Variants in CRACR2B observed in about 807,000 individuals in gnomAD.
CRACR2B encodes the protein calcium release activated channel regulator 2B, also known as EF-hand calcium-binding domain-containing protein 4A.
CRACR2B carries 50 observed loss-of-function variants against 46.0 expected under a neutral mutation model. That is an observed-to-expected ratio of 1.09 (90% CI 0.87 to 1.38). The LOEUF (loss-of-function observed/expected upper bound fraction) is 1.38. CRACR2B is among the 40% of genes most tolerant of loss of function. CRACR2B has a pLI of 0.00. For synonymous variants in CRACR2B, 277 were observed against 239.6 expected, an observed-to-expected ratio of 1.16 and a Z score of -1.44; for missense variants, 667 against 535.0, an observed-to-expected ratio of 1.25 and a Z score of -2.43.
Position 830,086 on chromosome 11 carries a change from G to T in CRACR2B, c.559G>T (p.Glu187Ter). The change falls in exon 4 of 9, where the codon GAG becomes TAG. Residue 187 changes from glutamate (E) to a stop codon, truncating the protein, a stop_gained. Coordinates refer to ENST00000525077, the MANE Select transcript of CRACR2B (RefSeq NM_001286606.2). LOFTEE classifies it high-confidence loss of function. ...DVLIRASACL[E>*]EAARERDGLE... ...TCTGATACGCGCGTCGGCCTGCCTG[G>T]AGGAGGCGGCCCGGGAGCGCGACGG... The T allele has an allele frequency of 6.5e-7, 1 of 1,545,966 alleles. No homozygotes were observed. The highest frequency in any genetic ancestry group is 8.7e-7 in the Non-Finnish European group (1 of 1,150,782).
At chr11:831,099 G>A (rs551315583) in intron 7 of CRACR2B, 67 bp downstream of exon 7, 3 of 1,553,996 alleles carry the variant, frequency 1.9e-6, no homozygotes, top group East Asian at 2.4e-5. Context: ...GGGCGCTCAG[G>A]TCTGGGCCAC....
At chr11:829,321 G>A (rs371372260) in intron 2 of CRACR2B, 39 bp from the exon 3 acceptor site, 2 of 1,563,640 alleles carry the variant, frequency 1.3e-6, no homozygotes, top group South Asian at 1.2e-5. Flanking sequence ...CCACGGTGGC[G>A]ACCCACAGCC....
chr11:830,515 C>T, intron 5 of CRACR2B, 106 bp from the exon 6 acceptor site: 4 of 1,540,862 alleles, frequency 2.6e-6, no homozygotes, highest in Non-Finnish European at 3.5e-6. Flanking sequence ...TCTTCTCCAC[C>T]CGACCCCGCT....
rs1846139711 is a variant in CRACR2B at position 828,917 on chromosome 11, G to A, written c.231G>A (p.Arg77=). The change falls in exon 2 of 9, where the codon CGG becomes CGA. Residue 77 remains arginine, a synonymous_variant. Transcript: ENST00000525077. Reference sequence around the variant, plus strand: ...AGGCTGTGTTTGAAAGTCTGGACCGGGCTCACACTGGCTTCCTCACCGCCA... The same window carrying A: ...AGGCTGTGTTTGAAAGTCTGGACCGAGCTCACACTGGCTTCCTCACCGCCA... ...QLEAVFESLD[R]AHTGFLTARE... The A allele has an allele frequency of 3.1e-6, 5 of 1,607,134 alleles. No individual in the cohort carries two copies. The highest frequency in any genetic ancestry group is 1.7e-5 in the Admixed American group (1 of 60,018).
chr11:831,719 A>G lies in CRACR2B; in HGVS notation c.*10A>G. The G allele has an allele frequency of 6.7e-7, 1 of 1,502,462 alleles. No individual in the cohort carries two copies. Among genetic ancestry groups the G allele is most frequent in the Non-Finnish European group, 8.8e-7 (1 of 1,136,036 alleles). 93.1% of individuals were successfully genotyped at this position (1,502,462 alleles called of 1,614,324 possible). A position where few individuals can be genotyped will look rare whatever the true frequency, so the allele number is the denominator to read the frequency against. On this transcript the variant is annotated 3_prime_UTR_variant, in exon 9 of 9. Coordinates refer to ENST00000525077, the MANE Select transcript of CRACR2B (RefSeq NM_001286606.2). Reference sequence around the variant, plus strand: ...TCCCAGTGCCCGGTGACCAGCCCCGAGTGACTCACGGACCATGAGCTAGAA... The same window carrying G: ...TCCCAGTGCCCGGTGACCAGCCCCGGGTGACTCACGGACCATGAGCTAGAA...
rs1846135977 is a variant in CRACR2B at position 828,887 on chromosome 11, G to C, written c.201G>C (p.Gln67His). The C allele has an allele frequency of 3.1e-6, 5 of 1,609,958 alleles. No homozygotes were observed. Residue 67 changes from glutamine (Q) to histidine (H), a missense_variant, in exon 2 of 9, where the codon CAG becomes CAC. Transcript: ENST00000525077. The part of the protein sequence containing the change: ...LQSDLPLTPE[Q>H]LEAVFESLDR... Reference sequence around the variant, plus strand: ...GCGACCTGCCCCTCACGCCAGAGCAGCTGGAGGCTGTGTTTGAAAGTCTGG... The same window carrying C: ...GCGACCTGCCCCTCACGCCAGAGCACCTGGAGGCTGTGTTTGAAAGTCTGG...
chr11:829,989 G>A lies in CRACR2B; in HGVS notation c.462G>A (p.Gln154=), dbSNP rs1189762106. 3 of 1,567,016 alleles carry A rather than the reference G, an allele frequency of 1.9e-6. No homozygotes were observed. The highest frequency in any genetic ancestry group is 2.6e-6 in the Non-Finnish European group (3 of 1,162,962). The change falls in exon 4 of 9, where the codon CAG becomes CAA. Residue 154 remains glutamine (Q), a synonymous_variant. Coordinates refer to ENST00000525077, the MANE Select transcript of CRACR2B (RefSeq NM_001286606.2). ...TCAGTTCCCGCCCGCCCTCCAGGCA[G>A]CGGGCTGTGAGGACGCTCTGGGCCA... The part of the protein sequence containing the change: ...QLGVAPVLGK[Q]RAVRTLWARL...
At chr11:826,668 C>T (rs1334699013), upstream of CRACR2B, among the ~76,000 whole-genome samples, 6 of 152,168 alleles carry the variant, frequency 3.9e-5, no homozygotes, top group African/African-American at 1.4e-4. Context: ...GGATTACAGG[C>T]GCCCACCACC....
At position 831,749 on chromosome 11, in the gene CRACR2B, C is replaced by A. The variant is rs1350374273; in HGVS notation, c.*40C>A. ...CTCACGGACCATGAGCTAGAAGCTG[C>A]CCTTGCAGGAGGCTTGTCATGGGTC... On this transcript the variant is annotated 3_prime_UTR_variant, in exon 9 of 9. Transcript: ENST00000525077. 6.8e-7 allele frequency: 1 copy of A among 1,465,958 alleles called. No homozygotes were observed. The allele number at this position is 1,465,958 out of a possible 1,614,324, so 90.8% of individuals were successfully genotyped here.
intron 2 of CRACR2B, 122 bp downstream of exon 2, chr11:829,085 C>T: frequency 1.4e-6 from 2 of 1,394,940 alleles, no homozygotes; most frequent in Non-Finnish European, 2.0e-6. Flanking sequence ...AGGGCCCGTG[C>T]TTTGTCTGCA....
In CRACR2B at chr11:829,440, G is replaced by A. The variant is rs1238098772; in HGVS notation, c.358G>A (p.Asp120Asn). The A allele has an allele frequency of 6.2e-7, 1 of 1,610,906 alleles. No homozygotes were observed. The highest frequency in any genetic ancestry group is 8.5e-7 in the Non-Finnish European group (1 of 1,179,236). ...PEETFESGGL[D>N]VQGTAGSLDE... ...GGAGACCTTTGAGTCGGGCGGGCTC[G>A]ACGTGCAGGGCACGGCGGGCTCTCT... The change falls in exon 3 of 9, where the codon GAC (aspartate) becomes AAC (asparagine). Residue 120 changes from aspartate to asparagine, a missense_variant. Transcript: ENST00000525077.
rs1316017566 is a variant in CRACR2B, at chr11:831,396, C to T, written c.1025+101C>T. ...CTGCCGCTCTACTCCATTGGAAGTC[C>T]TTCCTTATGCCTGCCTTTCACCCCT... On this transcript the variant is annotated intron_variant, in intron 8 of 8. Coordinates refer to ENST00000525077, the MANE Select transcript of CRACR2B (RefSeq NM_001286606.2). 3 of 1,493,490 alleles carry T rather than the reference C, an allele frequency of 2.0e-6. No individual in the cohort carries two copies. In the African/African-American group the frequency reaches 4.3e-5, roughly 21 times the overall value. The allele number at this position is 1,493,490 out of a possible 1,614,324, so 92.5% of individuals were successfully genotyped here. A position where few individuals can be genotyped will look rare whatever the true frequency, so the allele number is the denominator to read the frequency against.
Position 829,321 on chromosome 11 carries a change from G to T in CRACR2B, c.278-39G>T, listed in dbSNP as rs371372260. The T allele has an allele frequency of 2.0e-4, 315 of 1,563,634 alleles. 1 individual carries two copies. The highest frequency in any genetic ancestry group is 8.5e-5 in the Non-Finnish European group (99 of 1,159,842). Reference sequence around the variant, plus strand: ...TGAACGGGGACACAGCCACGGTGGCGACCCACAGCCCTGGTAATCGCTCGC... The same window carrying T: ...TGAACGGGGACACAGCCACGGTGGCTACCCACAGCCCTGGTAATCGCTCGC... On this transcript the variant is annotated intron_variant, in intron 2 of 8. Coordinates refer to ENST00000525077, the MANE Select transcript of CRACR2B (RefSeq NM_001286606.2).
chr11:828,999 A>T, intron 2 of CRACR2B, 36 bp downstream of exon 2: 1 of 1,598,310 alleles, frequency 6.3e-7, no homozygotes, highest in Non-Finnish European at 8.5e-7. Context: ...CACTGCCCAG[A>T]GCTGGAGGCC....
rs35694355 is a variant in CRACR2B at position 831,883 on chromosome 11, G to A, written c.*174G>A. ...TGGTCAGGGTCCCGGGAGTGGCCAG[G>A]GTCCCGTGTGTGCCCTCTGCCAGTC... On this transcript the variant is annotated 3_prime_UTR_variant, in exon 9 of 9. Transcript: ENST00000525077. 5.8e-3 allele frequency: 4,069 copies of A among 705,688 alleles called. 137 individuals carry two copies. The African/African-American group carries it at 0.068, about 12-fold the overall frequency. 43.7% of individuals were successfully genotyped at this position (705,688 alleles called of 1,614,324 possible).
At chr11:827,492 G>T, upstream of CRACR2B, 1 of 972,582 alleles carries the variant, frequency 1.0e-6, no homozygotes, top group Non-Finnish European at 1.2e-6. Context: ...GAGTTTCGGG[G>T]AGCACAGGAG....
chr11:826,783 C>T (rs915006620), upstream of CRACR2B, among the ~76,000 whole-genome samples: 2 of 151,798 alleles, frequency 1.3e-5, no homozygotes, highest in African/African-American at 4.8e-5. Flanking sequence ...TGTCTCAGCC[C>T]CCCAAAGTGC....
chr11:831,198 G>T, intron 7 of CRACR2B, 26 bp from the exon 8 acceptor site: 1 of 1,611,044 alleles, frequency 6.2e-7, no homozygotes, highest in Non-Finnish European at 8.5e-7. Context: ...CCTTCCTGCA[G>T]CCGGGTCACC....
In CRACR2B at chr11:828,722, C is replaced by G. The variant is rs1467411441; in HGVS notation, c.115C>G (p.Leu39Val). ...AILEQAEELF[L>V]LCDKEAKGFI... ...ACTGGAGCAGGCTGAGGAGCTGTTT[C>G]TGCTGTGTGACAAGGAGGCTAAGGG... The change falls in exon 1 of 9, where the codon CTG becomes GTG. Residue 39 changes from leucine (L) to valine (V), a missense_variant. By Grantham distance (32) the Leu-to-Val change is conservative (BLOSUM62 1). Transcript: ENST00000525077. 3.1e-6 allele frequency: 5 copies of G among 1,613,524 alleles called. No homozygotes were observed. The African/African-American group carries it at 5.3e-5, about 17-fold the overall frequency.
Sources: gnomAD v4.1 joint callset for allele counts (sites outside exome capture counted in the v4.1 genomes callset) on GRCh38, gnomAD v4.1.1 for gene constraint, MANE v1.5 for transcripts, NCBI Gene and HGNC (gene_info 2026-07-23, HGNC 2026-07-21) for gene names.